LRRTM4: variants seen among roughly 807,000 people sequenced by gnomAD.
The protein encoded by LRRTM4 is leucine rich repeat transmembrane neuronal 4.
Under a neutral mutation model 47.6 loss-of-function variants are expected in LRRTM4, and 25 were observed. The ratio of observed to expected loss-of-function variants is 0.53; its 90% CI spans 0.38 to 0.73. The LOEUF (loss-of-function observed/expected upper bound fraction) is 0.73. Among genes scored for constraint, LRRTM4 ranks in the 30% least tolerant of loss-of-function variants. The pLI is 0.00. For synonymous variants in LRRTM4, 311 were observed against 269.5 expected (o/e 1.15, Z -1.51); for missense variants, 638 against 713.4 (o/e 0.89, Z 1.20).
In LRRTM4 at chr2:77,298,324, T is replaced by C. The variant is rs191606716; in HGVS notation, c.1551+219994A>G. On this transcript the variant is annotated intron_variant, in intron 3 of 3. Transcript: ENST00000409884. Reference sequence around the variant, plus strand: ...CGATCTCGGCTCACTGCAAGCTCCGTCTCCCGGGTTCACGCCATTCTCCTG... The same window carrying C: ...CGATCTCGGCTCACTGCAAGCTCCGCCTCCCGGGTTCACGCCATTCTCCTG... Among the ~76,000 whole-genome samples, 518 of 152,132 alleles carry C rather than the reference T, an allele frequency of 3.4e-3. 1 individual carries two copies. Among genetic ancestry groups the C allele is most frequent in the African/African-American group, 0.011 (477 of 41,520 alleles).
In LRRTM4 at chr2:77,407,635, AT is replaced by A. The variant is rs1463218521; in HGVS notation, c.1551+110682del. ...TATATAATATAATATATGATATATT[AT>A]TATATAATATATATTATATAATTAT... On this transcript the variant is annotated intron_variant, in intron 3 of 3. Transcript: ENST00000409884. Among the ~76,000 whole-genome samples, 24 of 117,054 alleles carry A rather than the reference AT, an allele frequency of 2.1e-4. 1 individual carries two copies. The highest frequency in any genetic ancestry group is 8.4e-4 in the African/African-American group (21 of 25,068). The allele number at this position is 117,054 out of a possible 152,430, so 76.8% of individuals were successfully genotyped here.
At chr2:77,246,827 A>T (rs1282412508) in intron 3 of LRRTM4, among the ~76,000 whole-genome samples, 1 of 152,066 alleles carries the variant, frequency 6.6e-6, no homozygotes, top group Non-Finnish European at 1.5e-5. Flanking sequence ...TGACACGCCT[A>T]TATACATGTA....
chr2:77,067,568 C>T (rs1285219999), intron 3 of LRRTM4, among the ~76,000 whole-genome samples: 1 of 150,976 alleles, frequency 6.6e-6, no homozygotes, highest in East Asian at 2.0e-4. Flanking sequence ...GAAAACAGAT[C>T]AATGATTTAG....
intron 3 of LRRTM4, among the ~76,000 whole-genome samples, chr2:76,785,009 G>GGAAAACTTTCTATA (rs1674598559): frequency 6.6e-6 from 1 of 151,926 alleles, no homozygotes; most frequent in African/African-American, 2.4e-5. Flanking sequence ...AATTTCATAT[G>GGAAAACTTTCTATA]GAAAACTTTC....
At chr2:77,277,462 T>C (rs1463613758) in intron 3 of LRRTM4, among the ~76,000 whole-genome samples, 1 of 152,038 alleles carries the variant, frequency 6.6e-6, no homozygotes, top group Non-Finnish European at 1.5e-5. Context: ...CCATCTTTTA[T>C]TAAAAAATAT....
chr2:76,914,317 GCTTGA>G (rs1297518090), intron 3 of LRRTM4, among the ~76,000 whole-genome samples: 1 of 151,852 alleles, frequency 6.6e-6, no homozygotes, highest in Non-Finnish European at 1.5e-5. Flanking sequence ...TTTGCAAGAG[GCTTGA>G]CTTATTTCTG....
chr2:77,464,419 G>T (rs1484569061), intron 3 of LRRTM4, among the ~76,000 whole-genome samples: 1 of 151,864 alleles, frequency 6.6e-6, no homozygotes, highest in Non-Finnish European at 1.5e-5. Context: ...TGTAAAAAAG[G>T]TAAAAGTAAT....
At chr2:77,448,622 C>T (rs1475919928) in intron 3 of LRRTM4, among the ~76,000 whole-genome samples, 3 of 151,404 alleles carry the variant, frequency 2.0e-5, no homozygotes, top group Non-Finnish European at 4.4e-5. Context: ...TTCTTTAGGT[C>T]CATTTTCGCT....
Position 77,507,796 on chromosome 2 carries a change from T to A in LRRTM4, c.1551+10522A>T, listed in dbSNP as rs146104067. Among the ~76,000 whole-genome samples, 23 of 151,968 alleles carry A rather than the reference T, an allele frequency of 1.5e-4. 1 individual carries two copies. Among genetic ancestry groups the A allele is most frequent in the African/African-American group, 5.3e-4 (22 of 41,482 alleles). On this transcript the variant is annotated intron_variant, in intron 3 of 3. Coordinates refer to ENST00000409884, the MANE Select transcript of LRRTM4 (RefSeq NM_001134745.3). ...GAATCCCTAAGAGCAATGCACAAAA[T>A]GGAATTCCAGAGTGGCATAGACCTG...
intron 3 of LRRTM4, among the ~76,000 whole-genome samples, chr2:77,081,867 G>C (rs528982694): frequency 3.0e-4 from 45 of 152,248 alleles, no homozygotes; most frequent in African/African-American, 1.1e-3. Context: ...AGTAGTGACA[G>C]TCACAAAATC....
chr2:76,910,178 A>G (rs906877515), intron 3 of LRRTM4, among the ~76,000 whole-genome samples: 10 of 151,980 alleles, frequency 6.6e-5, no homozygotes, highest in African/African-American at 2.4e-4. Context: ...AAAAAATGAT[A>G]AGTTTATGTC....
At chr2:77,298,358 T>C (rs574854043) in intron 3 of LRRTM4, among the ~76,000 whole-genome samples, 7 of 152,220 alleles carry the variant, frequency 4.6e-5, no homozygotes, top group Admixed American at 2.0e-4. Context: ...TGCCTCAGCC[T>C]CCCGAGTAGC....
intron 3 of LRRTM4, among the ~76,000 whole-genome samples, chr2:77,362,508 C>T (rs1672281012): frequency 6.6e-6 from 1 of 152,156 alleles, no homozygotes; most frequent in South Asian, 2.1e-4. Flanking sequence ...AAAGGTTAAA[C>T]TATGATCACA....
chr2:77,095,007 A>G (rs1443347911), intron 3 of LRRTM4, among the ~76,000 whole-genome samples: 2 of 152,218 alleles, frequency 1.3e-5, no homozygotes, highest in African/African-American at 4.8e-5. Context: ...ATTGGGAGAA[A>G]TATTTGCAAA....
chr2:77,200,385 C>T (rs955535085), intron 3 of LRRTM4, among the ~76,000 whole-genome samples: 3 of 151,996 alleles, frequency 2.0e-5, no homozygotes, highest in Admixed American at 1.3e-4. Context: ...CATTTAAATA[C>T]ATTTATATAT....
At chr2:76,781,871 A>G (rs916766918) in intron 3 of LRRTM4, among the ~76,000 whole-genome samples, 1 of 152,028 alleles carries the variant, frequency 6.6e-6, no homozygotes, top group African/African-American at 2.4e-5. Context: ...TTTCTCCTCA[A>G]TGGTTTTCAC....
intron 3 of LRRTM4, among the ~76,000 whole-genome samples, chr2:77,094,704 G>T (rs1012961965): frequency 6.6e-6 from 1 of 152,046 alleles, no homozygotes; most frequent in Non-Finnish European, 1.5e-5. Context: ...TTTAATAAAT[G>T]GTGTTAGAAA....
chr2:77,425,331 G>A (rs1034410722), intron 3 of LRRTM4, among the ~76,000 whole-genome samples: 4 of 152,044 alleles, frequency 2.6e-5, no homozygotes, highest in Non-Finnish European at 5.9e-5. Context: ...ACTTCCAAAT[G>A]TCTCATGATT....
intron 3 of LRRTM4, among the ~76,000 whole-genome samples, chr2:77,059,335 G>A (rs1319331083): frequency 1.3e-5 from 2 of 152,000 alleles, no homozygotes; most frequent in Admixed American, 1.3e-4. Flanking sequence ...AATTCTTTCA[G>A]TAGAGTTGTC....
Sources: allele counts gnomAD v4.1 joint callset (sites outside exome capture counted in the v4.1 genomes callset), GRCh38; gene constraint gnomAD v4.1.1; transcripts MANE v1.5; gene names NCBI Gene and HGNC (gene_info 2026-07-23, HGNC 2026-07-21).